Variants in PXDNL observed in about 807,000 individuals in gnomAD.
PXDNL encodes probable oxidoreductase PXDNL.
In PXDNL, 145 loss-of-function variants were observed where a neutral mutation model predicts 150.8. That is an observed-to-expected ratio of 0.96 (90% CI 0.84 to 1.10). The LOEUF (loss-of-function observed/expected upper bound fraction) is 1.10, where lower values mean the gene tolerates loss of function less well. Among genes scored for constraint, PXDNL ranks in the 50% least tolerant of loss-of-function variants. The pLI, the probability that PXDNL is intolerant of heterozygous loss-of-function variation, is 0.00. For missense variants in PXDNL, 2,087 were observed against 1,873.9 expected (o/e 1.11, Z -2.10); for synonymous variants, 757 against 725.7 (o/e 1.04, Z -0.69).
At chr8:51,736,727 TG>T (rs1817046620) in intron 1 of PXDNL, among the ~76,000 whole-genome samples, 1 of 152,242 alleles carries the variant, frequency 6.6e-6, no homozygotes, top group South Asian at 2.1e-4. Flanking sequence ...CAGACCTTTG[TG>T]GTACATAAGG....
At chr8:51,324,449 GT>G (rs1366601537) in intron 21 of PXDNL, among the ~76,000 whole-genome samples, 2 of 152,106 alleles carry the variant, frequency 1.3e-5, no homozygotes, top group Non-Finnish European at 2.9e-5. Context: ...CTTTCAAAAT[GT>G]TTTCCTTTTT....
chr8:51,370,939 CCT>C (rs1421273461), intron 19 of PXDNL, among the ~76,000 whole-genome samples: 3 of 152,178 alleles, frequency 2.0e-5, no homozygotes, highest in Non-Finnish European at 2.9e-5. Flanking sequence ...AATTTCCTCC[CCT>C]GACAACAAAT....
intron 1 of PXDNL, among the ~76,000 whole-genome samples, chr8:51,727,044 A>G (rs1447953750): frequency 6.6e-6 from 1 of 152,224 alleles, no homozygotes; most frequent in Non-Finnish European, 1.5e-5. Context: ...ATCTTGAATG[A>G]AAGTCTAACT....
chr8:51,580,178 C>G (rs952277717), intron 3 of PXDNL, among the ~76,000 whole-genome samples: 4 of 151,990 alleles, frequency 2.6e-5, no homozygotes, highest in Non-Finnish European at 5.9e-5. Context: ...GAAGCGAATG[C>G]AGCTATAAAA....
chr8:51,737,353 A>T (rs1355407456), intron 1 of PXDNL, among the ~76,000 whole-genome samples: 1 of 152,260 alleles, frequency 6.6e-6, no homozygotes, highest in East Asian at 1.9e-4. Context: ...TTATATGCCC[A>T]AAAAGAAGCA....
chr8:51,590,734 T>A (rs1050647567), intron 3 of PXDNL, among the ~76,000 whole-genome samples: 6 of 152,022 alleles, frequency 3.9e-5, no homozygotes, highest in African/African-American at 1.5e-4. Context: ...TGTTTTTTTT[T>A]ATTTCACAAG....
rs919142513 is a variant in PXDNL at position 51,404,937 on chromosome 8, G to A, written c.3557+3130C>T. Among the ~76,000 whole-genome samples the A allele has an allele frequency of 3.9e-5, 6 of 152,196 alleles. 1 individual carries two copies. The highest frequency in any genetic ancestry group is 8.8e-5 in the Non-Finnish European group (6 of 68,024). ...CACGGCAAGGGTTGGGGGAGGCTCGGGCATGGTGGGCTGCAGGTCCGAGTC... is the reference window on the plus strand; with the variant it reads ...CACGGCAAGGGTTGGGGGAGGCTCGAGCATGGTGGGCTGCAGGTCCGAGTC... On this transcript the variant is annotated intron_variant, in intron 17 of 22. Transcript: ENST00000356297.
chr8:51,576,291 T>G (rs774000600), intron 3 of PXDNL, among the ~76,000 whole-genome samples: 1 of 150,928 alleles, frequency 6.6e-6, no homozygotes, highest in African/African-American at 2.4e-5. Context: ...TCCTGAGCTA[T>G]AAAGAATCCT....
chr8:51,345,809 G>C, intron 20 of PXDNL, 24 bp downstream of exon 20: 1 of 1,450,444 alleles, frequency 6.9e-7, no homozygotes, highest in Non-Finnish European at 9.6e-7. Flanking sequence ...GTTGCCTAAA[G>C]AAATGAGATA....
At position 51,453,608 on chromosome 8, in the gene PXDNL, T is replaced by C; in HGVS notation, c.1160A>G (p.Asn387Ser). 1 of 1,614,066 alleles carries C rather than the reference T, an allele frequency of 6.2e-7. No homozygotes were observed. The highest frequency in any genetic ancestry group is 1.1e-5 in the South Asian group (1 of 91,086). Residue 387 changes from asparagine (N) to serine (S), a missense_variant, in exon 10 of 23, where the codon AAC (asparagine) becomes AGC (serine). Asn to Ser is a conservative substitution (Grantham distance 46, BLOSUM62 1). Transcript: ENST00000356297. ...TCGACCATGATCCCGTTGTGTGATGTTCTGTAAGTAAAGTCCACTGGACGT... is the reference window on the plus strand; with the variant it reads ...TCGACCATGATCCCGTTGTGTGATGCTCTGTAAGTAAAGTCCACTGGACGT... Reference protein sequence around the residue: ...VATSSGLYLQNITQRDHGRFT... With the variant: ...VATSSGLYLQSITQRDHGRFT...
chr8:51,433,098 A>G (rs1021522561), intron 12 of PXDNL, among the ~76,000 whole-genome samples: 1 of 152,044 alleles, frequency 6.6e-6, no homozygotes, highest in Admixed American at 6.5e-5. Flanking sequence ...AGTCCCAGCT[A>G]CTGAGGAAGC....
At chr8:51,518,363 G>C (rs1017844786) in intron 4 of PXDNL, among the ~76,000 whole-genome samples, 1 of 152,046 alleles carries the variant, frequency 6.6e-6, no homozygotes, top group Non-Finnish European at 1.5e-5. Flanking sequence ...GTGTTTCTAT[G>C]CACATCAAAC....
chr8:51,546,858 A>G (rs1812370925), intron 4 of PXDNL, among the ~76,000 whole-genome samples: 1 of 152,134 alleles, frequency 6.6e-6, no homozygotes, highest in Admixed American at 6.5e-5. Context: ...GGAACAGGGT[A>G]AGGCCTGTCA....
At chr8:51,374,233 T>A (rs544540981) in intron 18 of PXDNL, among the ~76,000 whole-genome samples, 1 of 152,308 alleles carries the variant, frequency 6.6e-6, no homozygotes, top group South Asian at 2.1e-4. Flanking sequence ...GGTACAATTG[T>A]TACTCACACT....
At chr8:51,531,156 C>T (rs892899667) in intron 4 of PXDNL, among the ~76,000 whole-genome samples, 2 of 152,188 alleles carry the variant, frequency 1.3e-5, no homozygotes, top group African/African-American at 4.8e-5. Context: ...GAAAAATCTC[C>T]CCAACAAATG....
At chr8:51,549,377 A>G (rs75652936) in intron 4 of PXDNL, among the ~76,000 whole-genome samples, 3,963 of 152,246 alleles carry the variant, frequency 0.026, 93 homozygotes, top group African/African-American at 0.06. Flanking sequence ...AAGAACATAT[A>G]TATTTTTTTC....
intron 2 of PXDNL, among the ~76,000 whole-genome samples, chr8:51,651,645 A>T (rs1815039863): frequency 6.6e-6 from 1 of 152,156 alleles, no homozygotes; most frequent in African/African-American, 2.4e-5. Flanking sequence ...AAATAGTGGC[A>T]TGCATTTATT....
Position 51,551,125 on chromosome 8 carries a change from G to A in PXDNL, c.380+5715C>T, listed in dbSNP as rs192269837. On this transcript the variant is annotated intron_variant, in intron 4 of 22. Transcript: ENST00000356297. Reference sequence around the variant, plus strand: ...CCTTACGAATATACCTAACCAAAGAGGTAAAAGATCTCTAAAACAGAAACT... The same window carrying A: ...CCTTACGAATATACCTAACCAAAGAAGTAAAAGATCTCTAAAACAGAAACT... 1.5e-3 allele frequency among the ~76,000 whole-genome samples: 225 copies of A among 151,458 alleles called. 1 individual carries two copies. Among genetic ancestry groups the A allele is most frequent in the African/African-American group, 5.2e-3 (213 of 41,144 alleles).
At chr8:51,390,215 T>C (rs1220334477) in intron 17 of PXDNL, among the ~76,000 whole-genome samples, 2 of 152,228 alleles carry the variant, frequency 1.3e-5, no homozygotes. Flanking sequence ...AATTCACTCT[T>C]TAAAAACATT....
Sources: gnomAD v4.1 joint callset for allele counts (sites outside exome capture counted in the v4.1 genomes callset) on GRCh38, gnomAD v4.1.1 for gene constraint, MANE v1.5 for transcripts, NCBI Gene and HGNC (gene_info 2026-07-23, HGNC 2026-07-21) for gene names.